The following OGG1 variants were observed in gnomAD, a reference collection of about 807,000 sequenced individuals.
The protein encoded by OGG1 is 8-oxoguanine DNA glycosylase, also known as N-glycosylase/DNA lyase.
A neutral mutation model predicts 42.3 loss-of-function variants in OGG1; 35 were observed. That is an observed-to-expected ratio of 0.83 (90% CI 0.63 to 1.10). OGG1 has a LOEUF of 1.10. Ranked by LOEUF, OGG1 falls within the 50% of genes least tolerant of loss-of-function variation. OGG1 has a pLI of 0.00. For synonymous variants in OGG1, 189 were observed against 179.0 expected (o/e 1.06, Z -0.44); for missense variants, 484 against 446.7 (o/e 1.08, Z -0.75).
At chr3:9,764,611 GT>G (rs1310854701) in intron 7 of OGG1, among the ~76,000 whole-genome samples, 32 of 125,144 alleles carry the variant, frequency 2.6e-4, no homozygotes, top group Admixed American at 5.1e-4. Context: ...TGCGCCTGGC[GT>G]TTTTGTTTTT....
At chr3:9,770,256 C>T (rs1193966736), downstream of OGG1, among the ~76,000 whole-genome samples, 1 of 152,118 alleles carries the variant, frequency 6.6e-6, no homozygotes, top group Admixed American at 6.5e-5. Context: ...AGCTAGAGGC[C>T]GGCCAAACTC....
chr3:9,787,028 C>T (rs779410700), intron 3 of OGG1: 8 of 1,614,076 alleles, frequency 5.0e-6, no homozygotes, highest in East Asian at 2.2e-5. Context: ...CTGCAGGAGG[C>T]GCTGCGTCAG....
intron 2 of OGG1, among the ~76,000 whole-genome samples, chr3:9,777,262 G>T (rs2078377460): frequency 6.6e-6 from 1 of 152,232 alleles, no homozygotes; most frequent in African/African-American, 2.4e-5. Flanking sequence ...TAGTGATAAG[G>T]AATCAGAATT....
chr3:9,784,348 A>G lies in OGG1; in HGVS notation c.382+2748A>G, dbSNP rs983819643. On this transcript the variant is annotated intron_variant, in intron 3 of 3. Coordinates refer to the OGG1 transcript ENST00000426518. ...GCACCCCCTCTGTATCTATCCAGAT[A>G]CAAAGGGAGGGACAGACACATCTGG... 3.4e-6 allele frequency: 4 copies of G among 1,174,028 alleles called. No individual in the cohort carries two copies. The African/African-American group carries it at 4.7e-5, about 14-fold the overall frequency. The allele number at this position is 1,174,028 out of a possible 1,614,324, so 72.7% of individuals were successfully genotyped here. A position where few individuals can be genotyped will look rare whatever the true frequency, so the allele number is the denominator to read the frequency against.
downstream of OGG1, chr3:9,761,300 CAT>C: frequency 6.9e-6 from 5 of 729,032 alleles, no homozygotes; most frequent in South Asian, 5.9e-5. Context: ...GTGCTTGAAA[CAT>C]AGTATCTATT....
In OGG1 at chr3:9,776,382, TC is replaced by T. The variant is rs1298378492; in HGVS notation, c.295-5130del. 4.4e-3 allele frequency among the ~76,000 whole-genome samples: 646 copies of T among 145,308 alleles called. 3 individuals are homozygous for T. The highest frequency in any genetic ancestry group is 0.016 in the African/African-American group (617 of 39,764). ...TTGCACAGTCTTCTTTTTTCTTTTTTCTTTTCTTTTTTTTTTTTTTTTTTTG... is the reference window on the plus strand; with the variant it reads ...TTGCACAGTCTTCTTTTTTCTTTTTTTTTTCTTTTTTTTTTTTTTTTTTTG... On this transcript the variant is annotated intron_variant, in intron 2 of 3. Coordinates refer to the OGG1 transcript ENST00000426518.
downstream of OGG1, chr3:9,761,033 G>A: frequency 2.2e-6 from 1 of 450,626 alleles, no homozygotes; most frequent in Non-Finnish European, 4.0e-6. Flanking sequence ...TCCAATGTCT[G>A]GCTCCCTCAC....
At chr3:9,760,773 G>A (rs1232209761), downstream of OGG1, 2 of 1,614,016 alleles carry the variant, frequency 1.2e-6, no homozygotes, top group Admixed American at 1.7e-5. Context: ...CAGAGCCTGG[G>A]CAGGGAGAAA....
rs753263056 is a variant in OGG1 at position 9,787,423 on chromosome 3, T to C, written c.383-305T>C. On this transcript the variant is annotated intron_variant, in intron 3 of 3. Coordinates refer to the OGG1 transcript ENST00000426518. ...TTCATTCATTCACTTACCTATCTTA[T>C]ATCTCTCTCAAGTCCCTAGTCCAAG... The C allele has an allele frequency of 1.3e-5, 19 of 1,512,558 alleles. No homozygotes were observed. In the African/African-American group the frequency reaches 2.1e-4, roughly 17 times the overall value. The allele number at this position is 1,512,558 out of a possible 1,614,324, so 93.7% of individuals were successfully genotyped here.
rs1265786451 is a variant in OGG1, at chr3:9,774,392, G to C, written c.295-7121G>C. The stretch of plus-strand genomic sequence containing the variant: ...CCATTGCACTCCAGCCAGAATGACA[G>C]AGCCAGACTCTGTCTCAAAAAAAAA... On this transcript the variant is annotated intron_variant, in intron 2 of 3. Coordinates refer to the OGG1 transcript ENST00000426518. 3.9e-5 allele frequency among the ~76,000 whole-genome samples: 5 copies of C among 126,804 alleles called. No homozygotes were observed. The East Asian group carries it at 1.4e-3, about 34-fold the overall frequency. 83.2% of individuals were successfully genotyped at this position (126,804 alleles called of 152,430 possible). A position where few individuals can be genotyped will look rare whatever the true frequency, so the allele number is the denominator to read the frequency against.
At chr3:9,779,128 T>C (rs1017675738) in intron 2 of OGG1, among the ~76,000 whole-genome samples, 4 of 152,138 alleles carry the variant, frequency 2.6e-5, no homozygotes, top group African/African-American at 7.2e-5. Flanking sequence ...ACGTTGTCGG[T>C]GGTCTATCTA....
At chr3:9,756,887 C>T (rs376183306) in intron 6 of OGG1, 71 bp downstream of exon 6, 54 of 1,612,230 alleles carry the variant, frequency 3.3e-5, no homozygotes, top group Middle Eastern at 2.1e-4. Flanking sequence ...CTTCCACCAC[C>T]GCCCCAGGTG....
At chr3:9,776,783 C>T (rs1274643558) in intron 2 of OGG1, among the ~76,000 whole-genome samples, 1 of 152,082 alleles carries the variant, frequency 6.6e-6, no homozygotes, top group Non-Finnish European at 1.5e-5. Context: ...TAGCTCTCAG[C>T]CATGGTGACA....
downstream of OGG1, among the ~76,000 whole-genome samples, chr3:9,768,066 A>G (rs1444616457): frequency 2.0e-5 from 3 of 152,078 alleles, no homozygotes; most frequent in Non-Finnish European, 4.4e-5. Context: ...ATCCAAATCC[A>G]AGCACCTAGG....
downstream of OGG1, chr3:9,789,648 C>A (rs1210519736): frequency 6.2e-7 from 1 of 1,612,010 alleles, no homozygotes; most frequent in Admixed American, 1.7e-5. Flanking sequence ...GTGGGCGCCC[C>A]TGCCCCACCA....
At chr3:9,752,010 TC>T (rs2077326339) in intron 3 of OGG1, 61 bp downstream of exon 3, 1 of 1,523,374 alleles carries the variant, frequency 6.6e-7, no homozygotes, top group Non-Finnish European at 9.1e-7. Flanking sequence ...TGTTCATTTC[TC>T]CCCTGGTTAC....
downstream of OGG1, chr3:9,761,951 T>TG (rs1430816946): frequency 3.8e-5 from 27 of 714,274 alleles, no homozygotes; most frequent in African/African-American, 5.4e-5. Context: ...CAAGAGGGTG[T>TG]GGGGGGGAAC....
At chr3:9,789,613 AC>A (rs2078690785), downstream of OGG1, 1 of 1,613,730 alleles carries the variant, frequency 6.2e-7, no homozygotes, top group Non-Finnish European at 8.5e-7. Context: ...GAAGCCCAGA[AC>A]CTGCAGGGAG....
intron 3 of OGG1, chr3:9,783,797 ACAAAT>A: frequency 2.7e-6 from 2 of 737,906 alleles, no homozygotes; most frequent in Non-Finnish European, 3.9e-6. Context: ...CAAAACAAAA[ACAAAT>A]CAAATCAATC....
Sources: allele counts gnomAD v4.1 joint callset (sites outside exome capture counted in the v4.1 genomes callset), GRCh38; gene constraint gnomAD v4.1.1; transcripts MANE v1.5; gene names NCBI Gene and HGNC (gene_info 2026-07-23, HGNC 2026-07-21).